The following SEMA4C variants were observed in gnomAD, a reference collection of about 807,000 sequenced individuals.
SEMA4C encodes the protein semaphorin-4C.
Under a neutral mutation model 89.0 loss-of-function variants are expected in SEMA4C, and 19 were observed. The observed-to-expected ratio is 0.21, with a 90% confidence interval of 0.15 to 0.31. The LOEUF (loss-of-function observed/expected upper bound fraction) is 0.31. Ranked by LOEUF, SEMA4C falls within the 10% of genes least tolerant of loss-of-function variation. The pLI is 1.00. For missense variants in SEMA4C, 811 were observed against 1,107.0 expected, an observed-to-expected ratio of 0.73 and a Z score of 3.79; for synonymous variants, 428 against 472.7, an observed-to-expected ratio of 0.91 and a Z score of 1.23.
upstream of SEMA4C, chr2:96,870,700 C>A: frequency 5.1e-6 from 5 of 985,502 alleles, no homozygotes; most frequent in Non-Finnish European, 6.0e-6. Flanking sequence ...AGCGCCTATC[C>A]CCAGAAAATG....
chr2:96,870,334 CG>C (rs2080175677), upstream of SEMA4C: 2 of 981,514 alleles, frequency 2.0e-6, no homozygotes, highest in Non-Finnish European at 2.4e-6. Context: ...GGAGGTGGGG[CG>C]GGGGAGGGAC....
At chr2:96,870,651 A>T (rs575281168), upstream of SEMA4C, 1 of 985,434 alleles carries the variant, frequency 1.0e-6, no homozygotes, top group East Asian at 1.1e-4. Flanking sequence ...CCTTCAATCA[A>T]CAGAAAGGGC....
intron 1 of SEMA4C, 99 bp from the exon 2 acceptor site, chr2:96,868,022 C>T: frequency 2.0e-6 from 3 of 1,474,586 alleles, no homozygotes; most frequent in Non-Finnish European, 2.7e-6. Context: ...TCAGGCCTTC[C>T]AGGAGCCCCG....
Position 96,861,310 on chromosome 2 carries a change from A to T in SEMA4C, c.1818T>A (p.Asp606Glu), listed in dbSNP as rs758289618. Residue 606 changes from aspartate (D) to glutamate (E), a missense_variant, in exon 15 of 15, where the codon GAT becomes GAA. Asp to Glu is a conservative substitution (Grantham distance 45, BLOSUM62 2). Transcript: ENST00000305476. The surrounding 1 kb of genome is among the most constrained non-coding windows in gnomAD (Gnocchi z 7.8). ...TCACAACCAGGGCCTGGAGCCGGGC[A>T]TCGTAGAGGAAGGACCCGGGCTGTT... ...PAEQPGSFLY[D>E]ARLQALVVMA... 1 of 1,607,552 alleles carries T rather than the reference A, an allele frequency of 6.2e-7. No individual in the cohort carries two copies. Among genetic ancestry groups the T allele is most frequent in the Admixed American group, 1.7e-5 (1 of 60,008 alleles).
In SEMA4C at chr2:96,860,577, G is replaced by A. The variant is rs1488514679; in HGVS notation, c.*49C>T. On this transcript the variant is annotated 3_prime_UTR_variant, in exon 15 of 15. Transcript: ENST00000305476. Reference sequence around the variant, plus strand: ...TGAGGTAGCTGGTGCCTGTGCAAAAGTAGGAGCTACACCTCCCACGCTTCC... The same window carrying A: ...TGAGGTAGCTGGTGCCTGTGCAAAAATAGGAGCTACACCTCCCACGCTTCC... The A allele has an allele frequency of 2.0e-6, 3 of 1,517,384 alleles. No individual in the cohort carries two copies. The highest frequency in any genetic ancestry group is 3.8e-5 in the Admixed American group (2 of 52,618). The allele number at this position is 1,517,384 out of a possible 1,614,324, so 94.0% of individuals were successfully genotyped here. A position where few individuals can be genotyped will look rare whatever the true frequency, so the allele number is the denominator to read the frequency against.
chr2:96,868,746 G>T, intron 1 of SEMA4C: 1 of 985,066 alleles, frequency 1.0e-6, no homozygotes, highest in Non-Finnish European at 1.2e-6. Context: ...GGCGACGGGG[G>T]GAGGTAGGGG....
Position 96,864,656 on chromosome 2 carries a change from A to T in SEMA4C, c.962+49T>A. On this transcript the variant is annotated intron_variant, in intron 9 of 14. Transcript: ENST00000305476. The surrounding 1 kb of genome is among the most constrained non-coding windows in gnomAD (Gnocchi z 6.3). ...GGCTCCCACCCATGCACCGTCCCTGACCTGAACCCCAGCTCCTCCCCACTC... is the reference window on the plus strand; with the variant it reads ...GGCTCCCACCCATGCACCGTCCCTGTCCTGAACCCCAGCTCCTCCCCACTC... 1 of 1,564,916 alleles carries T rather than the reference A, an allele frequency of 6.4e-7. No homozygotes were observed. Among genetic ancestry groups the T allele is most frequent in the South Asian group, 1.2e-5 (1 of 83,300 alleles).
In SEMA4C at chr2:96,861,345, G is replaced by C; in HGVS notation, c.1783C>G (p.Leu595Val). 1.9e-6 allele frequency: 3 copies of C among 1,607,416 alleles called. No homozygotes were observed. The highest frequency in any genetic ancestry group is 2.5e-6 in the Non-Finnish European group (3 of 1,179,968). The change falls in exon 15 of 15, where the codon CTG becomes GTG. Residue 595 changes from leucine to valine, a missense_variant. Transcript: ENST00000305476. The surrounding 1 kb of genome is among the most constrained non-coding windows in gnomAD (Gnocchi z 7.8). ...HARWTFGGRD[L>V]PAEQPGSFLY... Reference sequence around the variant, plus strand: ...AAGGACCCGGGCTGTTCCGCAGGCAGGTCCCGGCCCCCAAAGGTCCAGCGG... The same window carrying C: ...AAGGACCCGGGCTGTTCCGCAGGCACGTCCCGGCCCCCAAAGGTCCAGCGG...
rs1360855046 is a variant in SEMA4C, at chr2:96,861,484, G to A, written c.1673-29C>T. On this transcript the variant is annotated intron_variant, in intron 14 of 14. Coordinates refer to ENST00000305476, the MANE Select transcript of SEMA4C (RefSeq NM_017789.5). The surrounding 1 kb of genome is among the most constrained non-coding windows in gnomAD (Gnocchi z 7.8). The stretch of plus-strand genomic sequence containing the variant: ...TAGTGGCAGAGAAAACAGAGTGCAT[G>A]TTAGTGCAGGAAAGCAGGGCTGGGG... The A allele has an allele frequency of 6.2e-7, 1 of 1,611,454 alleles. No individual in the cohort carries two copies. The highest frequency in any genetic ancestry group is 8.5e-7 in the Non-Finnish European group (1 of 1,178,028).
intron 2 of SEMA4C, chr2:96,866,758 C>T: frequency 2.3e-6 from 1 of 438,824 alleles, no homozygotes. Context: ...GGCTGGGCAC[C>T]CCCACCCCAC....
intron 1 of SEMA4C, 57 bp downstream of exon 1, chr2:96,869,819 A>G: frequency 1.0e-6 from 1 of 984,724 alleles, no homozygotes; most frequent in African/African-American, 1.8e-5. Flanking sequence ...CAAAGGGACA[A>G]AGCGGCGGCT....
rs922615242 is a variant in SEMA4C at position 96,869,204 on chromosome 2, C to T, written c.-38+672G>A. 8 of 985,288 alleles carry T rather than the reference C, an allele frequency of 8.1e-6. No homozygotes were observed. The East Asian group carries it at 7.9e-4, about 98-fold the overall frequency. 61.0% of individuals were successfully genotyped at this position (985,288 alleles called of 1,614,324 possible). ...CTCCTTACCCGAGGATCGGGCCGCA[C>T]CCCGTGGCGTGCTCCGAGGATCCGC... On this transcript the variant is annotated intron_variant, in intron 1 of 14. Coordinates refer to ENST00000305476, the MANE Select transcript of SEMA4C (RefSeq NM_017789.5).
chr2:96,870,238 C>T (rs1292895417), upstream of SEMA4C: 9 of 985,304 alleles, frequency 9.1e-6, no homozygotes, highest in African/African-American at 1.7e-5. Flanking sequence ...CGGACCTCCG[C>T]CTCTCTGGGT....
At chr2:96,868,382 G>T in intron 1 of SEMA4C, 1 of 991,436 alleles carries the variant, frequency 1.0e-6, no homozygotes, top group Non-Finnish European at 1.2e-6. Flanking sequence ...GCATGCGGTG[G>T]GGTAGGCGGT....
Position 96,860,590 on chromosome 2 carries a change from C to G in SEMA4C, c.*36G>C. On this transcript the variant is annotated 3_prime_UTR_variant, in exon 15 of 15. Transcript: ENST00000305476. ...GCCTGTGCAAAAGTAGGAGCTACAC[C>G]TCCCACGCTTCCCGCCGACGCGGTG... The G allele has an allele frequency of 6.4e-7, 1 of 1,551,426 alleles. No homozygotes were observed. Among genetic ancestry groups the G allele is most frequent in the Non-Finnish European group, 8.7e-7 (1 of 1,143,996 alleles).
chr2:96,869,870 G>A lies in SEMA4C; in HGVS notation c.-38+6C>T. On this transcript the variant is annotated splice_donor_region_variant and intron_variant, in intron 1 of 14. Transcript: ENST00000305476. Reference sequence around the variant, plus strand: ...TCCAGCCTCACGCAAGCCCGGCCTCGCTCACCTATTGCGCGCAGCTCCAGT... The same window carrying A: ...TCCAGCCTCACGCAAGCCCGGCCTCACTCACCTATTGCGCGCAGCTCCAGT... 1.0e-6 allele frequency: 1 copy of A among 985,786 alleles called. No individual in the cohort carries two copies. The highest frequency in any genetic ancestry group is 1.2e-6 in the Non-Finnish European group (1 of 830,156). 61.1% of individuals were successfully genotyped at this position (985,786 alleles called of 1,614,324 possible). A position where few individuals can be genotyped will look rare whatever the true frequency, so the allele number is the denominator to read the frequency against.
rs917722101 is a variant in SEMA4C, at chr2:96,868,321, G to A, written c.-37-398C>T. The A allele has an allele frequency of 6.9e-6, 5 of 721,074 alleles. No individual in the cohort carries two copies. The African/African-American group carries it at 7.6e-5, about 11-fold the overall frequency. 44.7% of individuals were successfully genotyped at this position (721,074 alleles called of 1,614,324 possible). On this transcript the variant is annotated intron_variant, in intron 1 of 14. Coordinates refer to ENST00000305476, the MANE Select transcript of SEMA4C (RefSeq NM_017789.5). ...CAGGCCTTGCAGCCACTGGGGCTCCGGACCCTGCCAACACCTAATTCTGGG... is the reference window on the plus strand; with the variant it reads ...CAGGCCTTGCAGCCACTGGGGCTCCAGACCCTGCCAACACCTAATTCTGGG...
At chr2:96,870,081 A>C, upstream of SEMA4C, 1 of 965,316 alleles carries the variant, frequency 1.0e-6, no homozygotes. Flanking sequence ...CTCTTTCTCC[A>C]GCGCGGCCGC....
intron 4 of SEMA4C, 42 bp downstream of exon 4, chr2:96,865,825 C>T: frequency 6.2e-7 from 1 of 1,613,770 alleles, no homozygotes; most frequent in South Asian, 1.1e-5. Context: ...AGGAGACGTC[C>T]TGGGGTGAAG....
Sources: gnomAD v4.1 joint callset for allele counts on GRCh38, gnomAD v4.1.1 for gene constraint, Gnocchi (gnomAD v3.1) non-coding constraint, MANE v1.5 for transcripts, NCBI Gene and HGNC (gene_info 2026-07-23, HGNC 2026-07-21) for gene names.